CRPPA: variants seen among roughly 807,000 people sequenced by gnomAD.
CRPPA encodes D-ribitol-5-phosphate cytidylyltransferase.
A neutral mutation model predicts 52.0 loss-of-function variants in CRPPA; 43 were observed. The ratio of observed to expected loss-of-function variants is 0.83; its 90% CI spans 0.65 to 1.07. The LOEUF (loss-of-function observed/expected upper bound fraction) is 1.07. Ranked by LOEUF, CRPPA falls within the 50% of genes least tolerant of loss-of-function variation. CRPPA has a pLI of 0.00. For synonymous variants in CRPPA, 250 were observed against 203.5 expected, an observed-to-expected ratio of 1.23 and a Z score of -1.94; for missense variants, 629 against 551.7, an observed-to-expected ratio of 1.14 and a Z score of -1.40.
chr7:16,393,854 C>T (rs1052161973), intron 2 of CRPPA, among the ~76,000 whole-genome samples: 1 of 151,990 alleles, frequency 6.6e-6, no homozygotes, highest in Non-Finnish European at 1.5e-5. Context: ...ATAACTCCTA[C>T]AAGTCAAAAG....
chr7:16,377,852 A>C (rs1050329651), intron 2 of CRPPA, among the ~76,000 whole-genome samples: 3 of 152,142 alleles, frequency 2.0e-5, no homozygotes, highest in Admixed American at 2.0e-4. Context: ...AATCTATGCA[A>C]GTGTGGACAC....
At chr7:16,295,175 CAAAT>C (rs1366076358) in intron 5 of CRPPA, among the ~76,000 whole-genome samples, 3 of 151,898 alleles carry the variant, frequency 2.0e-5, no homozygotes, top group Admixed American at 2.0e-4. Context: ...TTTTCAGAAA[CAAAT>C]AAAATATGGC....
intron 5 of CRPPA, 36 bp downstream of exon 5, chr7:16,301,385 A>C (rs775460903): frequency 6.3e-7 from 1 of 1,576,622 alleles, no homozygotes; most frequent in Non-Finnish European, 8.7e-7. Context: ...TACATTTTTG[A>C]AACACAGGAA....
intron 3 of CRPPA, among the ~76,000 whole-genome samples, chr7:16,348,647 G>A (rs936826593): frequency 2.0e-5 from 3 of 152,024 alleles, no homozygotes; most frequent in African/African-American, 7.2e-5. Flanking sequence ...TTCTCTGGAA[G>A]GTGGTTGCTG....
At chr7:16,140,295 G>C (rs1782844048) in intron 9 of CRPPA, among the ~76,000 whole-genome samples, 1 of 151,828 alleles carries the variant, frequency 6.6e-6, no homozygotes, top group Admixed American at 6.6e-5. Flanking sequence ...CTACAGGCAT[G>C]CACCACCATG....
chr7:16,321,984 A>G (rs1455220676), intron 3 of CRPPA, among the ~76,000 whole-genome samples: 3 of 152,156 alleles, frequency 2.0e-5, no homozygotes, highest in African/African-American at 7.2e-5. Flanking sequence ...AGAAGAAACT[A>G]AAAGAGACAA....
chr7:16,109,581 C>T (rs1782220545), intron 9 of CRPPA, among the ~76,000 whole-genome samples: 1 of 151,854 alleles, frequency 6.6e-6, no homozygotes, highest in South Asian at 2.1e-4. Flanking sequence ...TGCCAAAGTC[C>T]TCAACAAAAT....
At chr7:16,207,233 T>A (rs536226734) in intron 9 of CRPPA, among the ~76,000 whole-genome samples, 1 of 152,188 alleles carries the variant, frequency 6.6e-6, no homozygotes, top group African/African-American at 2.4e-5. Flanking sequence ...CTTGGACAGA[T>A]AGCTCCTGAT....
chr7:16,375,746 A>T (rs1052488408), intron 3 of CRPPA, among the ~76,000 whole-genome samples: 3 of 152,192 alleles, frequency 2.0e-5, no homozygotes, highest in Non-Finnish European at 2.9e-5. Context: ...TATCCAGATG[A>T]CCAATCGAAC....
intron 9 of CRPPA, among the ~76,000 whole-genome samples, chr7:16,173,072 G>T (rs1186960608): frequency 6.6e-6 from 1 of 152,094 alleles, no homozygotes; most frequent in African/African-American, 2.4e-5. Flanking sequence ...TTAATTTAAT[G>T]ACCTGCTCCA....
chr7:16,188,042 ATTTTTTTTT>A (rs34518390), intron 9 of CRPPA, among the ~76,000 whole-genome samples: 1 of 115,522 alleles, frequency 8.7e-6, no homozygotes, highest in Non-Finnish European at 1.8e-5. Flanking sequence ...ATTTGGGTGA[ATTTTTTTTT>A]TTTTTTTTTT....
At chr7:16,341,045 G>C (rs999302452) in intron 3 of CRPPA, among the ~76,000 whole-genome samples, 1 of 152,052 alleles carries the variant, frequency 6.6e-6, no homozygotes, top group African/African-American at 2.4e-5. Flanking sequence ...TTCTGTAAAG[G>C]CAAGCTACGG....
intron 9 of CRPPA, among the ~76,000 whole-genome samples, chr7:16,096,750 C>T (rs1208290965): frequency 6.6e-6 from 1 of 152,124 alleles, no homozygotes; most frequent in Non-Finnish European, 1.5e-5. Context: ...GCCAGCTTCA[C>T]TCTTTTTCTT....
chr7:16,138,660 A>G (rs1278275067), intron 9 of CRPPA, among the ~76,000 whole-genome samples: 2 of 152,236 alleles, frequency 1.3e-5, no homozygotes, highest in Admixed American at 1.3e-4. Flanking sequence ...AAATGTCTAC[A>G]TCTTATAAAA....
intron 9 of CRPPA, among the ~76,000 whole-genome samples, chr7:16,204,425 T>C (rs1391519332): frequency 4.6e-5 from 7 of 152,014 alleles, no homozygotes; most frequent in Non-Finnish European, 7.4e-5. Context: ...AAATAACGTG[T>C]ACACATGAAC....
At chr7:16,144,683 C>G (rs981148757) in intron 9 of CRPPA, among the ~76,000 whole-genome samples, 4 of 152,068 alleles carry the variant, frequency 2.6e-5, no homozygotes, top group African/African-American at 9.7e-5. Context: ...ATATTTATTC[C>G]CCACAAATTG....
chr7:16,136,889 A>AC (rs58860763), intron 9 of CRPPA, among the ~76,000 whole-genome samples: 33,514 of 152,064 alleles, frequency 0.22, 4,729 homozygotes, highest in Admixed American at 0.33. Context: ...TATTCCCTAT[A>AC]TCTGATAGCT....
chr7:16,367,937 G>C (rs1265715439), intron 3 of CRPPA, among the ~76,000 whole-genome samples: 1 of 152,112 alleles, frequency 6.6e-6, no homozygotes, highest in African/African-American at 2.4e-5. Context: ...ACACCCCAGA[G>C]ACTGATTCTG....
chr7:16,143,491 G>A lies in CRPPA; in HGVS notation c.1252-51692C>T, dbSNP rs77493572. On this transcript the variant is annotated intron_variant, in intron 9 of 9. Transcript: ENST00000407010. ...CCAGTTTATGATCACCTGGAATGAG[G>A]TACCAACAAGGTCACTGCCTGTACA... Among the ~76,000 whole-genome samples the A allele has an allele frequency of 9.9e-3, 1,501 of 152,250 alleles. 14 individuals are homozygous for A. The highest frequency in any genetic ancestry group is 0.015 in the Non-Finnish European group (1,041 of 67,996).
Sources: gnomAD v4.1 joint callset for allele counts (sites outside exome capture counted in the v4.1 genomes callset) on GRCh38, gnomAD v4.1.1 for gene constraint, MANE v1.5 for transcripts, NCBI Gene and HGNC (gene_info 2026-07-23, HGNC 2026-07-21) for gene names.